Variants in ANO2 observed in about 807,000 individuals in gnomAD.
The protein encoded by ANO2 is anoctamin-2.
ANO2 carries 101 observed loss-of-function variants against 124.2 expected under a neutral mutation model. The ratio of observed to expected loss-of-function variants is 0.81; its 90% CI spans 0.69 to 0.96. ANO2 has a LOEUF of 0.96. ANO2 is among the 40% of genes least tolerant of loss of function. ANO2 has a pLI of 0.00. For synonymous variants in ANO2, 486 were observed against 482.5 expected (o/e 1.01, Z -0.09); for missense variants, 1,293 against 1,274.5 (o/e 1.01, Z -0.22).
chr12:5,719,548 T>C, intron 14 of ANO2, among the ~76,000 whole-genome samples: 1 of 152,188 alleles, frequency 6.6e-6, no homozygotes, highest in East Asian at 1.9e-4. Context: ...CACTCTAGTG[T>C]CCTTTTGCTG....
intron 1 of ANO2, among the ~76,000 whole-genome samples, chr12:5,942,483 A>G (rs1942935015): frequency 6.6e-6 from 1 of 152,256 alleles, no homozygotes; most frequent in Admixed American, 6.5e-5. Context: ...CTTTCATTAC[A>G]TAATGACAGC....
intron 14 of ANO2, among the ~76,000 whole-genome samples, chr12:5,649,857 G>A (rs907122942): frequency 1.3e-5 from 2 of 152,074 alleles, no homozygotes; most frequent in African/African-American, 2.4e-5. Flanking sequence ...TATTAGCCAG[G>A]ATGGTCTCGA....
intron 7 of ANO2, among the ~76,000 whole-genome samples, chr12:5,820,987 CT>C (rs1953777583): frequency 6.6e-6 from 1 of 152,248 alleles, no homozygotes; most frequent in Non-Finnish European, 1.5e-5. Context: ...CATTAATACA[CT>C]TTTACTGTCC....
At chr12:5,878,745 C>T (rs1938284792) in intron 3 of ANO2, among the ~76,000 whole-genome samples, 1 of 152,268 alleles carries the variant, frequency 6.6e-6, no homozygotes, top group South Asian at 2.1e-4. Flanking sequence ...TTTATGTGGC[C>T]ATACAAACTT....
In ANO2 at chr12:5,615,171, C is replaced by A; in HGVS notation, c.1928+15G>T. 6.2e-7 allele frequency: 1 copy of A among 1,605,490 alleles called. No individual in the cohort carries two copies. The highest frequency in any genetic ancestry group is 1.7e-5 in the Admixed American group (1 of 59,494). On this transcript the variant is annotated intron_variant, in intron 17 of 24. Transcript: ENST00000682330. The stretch of plus-strand genomic sequence containing the variant: ...TGGCAAATTGCCTTTCTACACATGA[C>A]ACCATTATACTCACCTCCCTTTGAA...
At chr12:5,932,716 T>A (rs967624112) in intron 1 of ANO2, among the ~76,000 whole-genome samples, 1 of 151,696 alleles carries the variant, frequency 6.6e-6, no homozygotes, top group Non-Finnish European at 1.5e-5. Flanking sequence ...GGAAGGAAAG[T>A]AGACCAGTGA....
chr12:5,738,148 C>T (rs558890385), intron 13 of ANO2, among the ~76,000 whole-genome samples: 23 of 152,330 alleles, frequency 1.5e-4, no homozygotes, highest in African/African-American at 4.8e-4. Context: ...TGCTGCCCTG[C>T]GGGTCCTGCC....
rs1428662272 is a variant in ANO2 at position 5,862,344 on chromosome 12, T to C, written c.535-8203A>G. ...ACCCTTCCTTCTTATGGAAAAGACT[T>C]CACCTGGTTCCCAACCAACGACCAG... On this transcript the variant is annotated intron_variant, in intron 3 of 24. Coordinates refer to ENST00000682330, the MANE Select transcript of ANO2 (RefSeq NM_001364791.2). The surrounding 1 kb of genome is among the most constrained non-coding windows in gnomAD (Gnocchi z 4.0). Among the ~76,000 whole-genome samples the C allele has an allele frequency of 6.6e-6, 1 of 152,088 alleles. No homozygotes were observed. Among genetic ancestry groups the C allele is most frequent in the East Asian group, 1.9e-4 (1 of 5,188 alleles).
At chr12:5,593,791 T>C (rs1943523276) in intron 20 of ANO2, among the ~76,000 whole-genome samples, 2 of 152,180 alleles carry the variant, frequency 1.3e-5, no homozygotes, top group South Asian at 4.1e-4. Flanking sequence ...CCTGGCTGAC[T>C]TTAAGCCTCA....
At chr12:5,774,717 G>T (rs2137125112) in intron 10 of ANO2, among the ~76,000 whole-genome samples, 1 of 152,276 alleles carries the variant, frequency 6.6e-6, no homozygotes, top group East Asian at 1.9e-4. Flanking sequence ...GGACAGGGCT[G>T]CTCTTCACAG....
At chr12:5,906,450 G>C (rs1251815795) in intron 3 of ANO2, among the ~76,000 whole-genome samples, 2 of 151,882 alleles carry the variant, frequency 1.3e-5, no homozygotes, top group African/African-American at 4.8e-5. Flanking sequence ...GAGGCCAGGA[G>C]TTCAAGAGCA....
chr12:5,914,268 G>A (rs1276090440), intron 3 of ANO2, among the ~76,000 whole-genome samples: 1 of 152,114 alleles, frequency 6.6e-6, no homozygotes, highest in Non-Finnish European at 1.5e-5. Flanking sequence ...TGCTAAATGG[G>A]CCTCCCTGGG....
In ANO2 at chr12:5,612,690, A is replaced by G. The variant is rs1228924928; in HGVS notation, c.2053T>C (p.Leu685=). ...QLSIIMLGKQ[L]IQNNIFEIGV... is the part of the protein sequence containing the mutation. ...ATCTCAAAGATGTTGTTCTGGATCAACTGCTTCCCCAACATGATGATGCTG... is the reference window on the plus strand; with the variant it reads ...ATCTCAAAGATGTTGTTCTGGATCAGCTGCTTCCCCAACATGATGATGCTG... The change falls in exon 19 of 25, where the codon TTG becomes CTG. Residue 685 remains leucine, a synonymous_variant. Transcript: ENST00000682330. 8 of 1,613,962 alleles carry G rather than the reference A, an allele frequency of 5.0e-6. No individual in the cohort carries two copies. The highest frequency in any genetic ancestry group is 2.2e-5 in the East Asian group (1 of 44,864).
chr12:5,677,126 T>C (rs1474199341), intron 14 of ANO2, among the ~76,000 whole-genome samples: 3 of 143,938 alleles, frequency 2.1e-5, no homozygotes, highest in South Asian at 4.9e-4. Context: ...GGTCTCAGGA[T>C]TGGGGGGGAG....
chr12:5,635,242 C>A lies in ANO2; in HGVS notation c.1726G>T (p.Val576Leu). 6.2e-7 allele frequency: 1 copy of A among 1,613,186 alleles called. No homozygotes were observed. The highest frequency in any genetic ancestry group is 1.1e-5 in the South Asian group (1 of 90,954). The change falls in exon 16 of 25, where the codon GTG becomes TTG. Residue 576 changes from valine (V) to leucine (L), a missense_variant. Coordinates refer to ENST00000682330, the MANE Select transcript of ANO2 (RefSeq NM_001364791.2). This position sits in a 1 kb window ranked among gnomAD's most constrained non-coding sequence, Gnocchi z 5.2. ...TTGATGATGACTGCTGTTGCTGTCACTGTCACCCGGACATTGGAGCGTGTA... is the reference window on the plus strand; with the variant it reads ...TTGATGATGACTGCTGTTGCTGTCAATGTCACCCGGACATTGGAGCGTGTA... Reference protein sequence around the residue: ...KATRSNVRVTVTATAVIINLV... With the variant: ...KATRSNVRVTLTATAVIINLV...
At chr12:5,663,996 A>G (rs142041197) in intron 14 of ANO2, among the ~76,000 whole-genome samples, 100 of 152,362 alleles carry the variant, frequency 6.6e-4, no homozygotes, top group African/African-American at 2.4e-3. Context: ...GCAGTGGAGT[A>G]GTTGTGATAT....
intron 21 of ANO2, 76 bp downstream of exon 21, chr12:5,578,290 T>G: frequency 6.5e-7 from 1 of 1,537,360 alleles, no homozygotes; most frequent in Non-Finnish European, 8.8e-7. Context: ...TGATTCCTGG[T>G]GTGGTGTGAC....
At chr12:5,705,160 T>C (rs1354024984) in intron 14 of ANO2, among the ~76,000 whole-genome samples, 3 of 152,236 alleles carry the variant, frequency 2.0e-5, no homozygotes, top group Non-Finnish European at 4.4e-5. Flanking sequence ...GGAGATTCCA[T>C]GATAACATTG....
intron 14 of ANO2, among the ~76,000 whole-genome samples, chr12:5,731,029 C>T (rs1828186587): frequency 6.6e-6 from 1 of 152,218 alleles, no homozygotes; most frequent in South Asian, 2.1e-4. Flanking sequence ...ATTAGAACCA[C>T]AGCCTCAGTG....
Sources: gnomAD v4.1 joint callset for allele counts (sites outside exome capture counted in the v4.1 genomes callset) on GRCh38, gnomAD v4.1.1 for gene constraint, Gnocchi (gnomAD v3.1) non-coding constraint, MANE v1.5 for transcripts, NCBI Gene and HGNC (gene_info 2026-07-23, HGNC 2026-07-21) for gene names.